PPIE: variants seen among roughly 807,000 people sequenced by gnomAD.
PPIE encodes the protein peptidylprolyl isomerase E.
Under a neutral mutation model 38.4 loss-of-function variants are expected in PPIE, and 20 were observed. The observed-to-expected ratio is 0.52, with a 90% confidence interval of 0.37 to 0.76. PPIE has a LOEUF of 0.76. PPIE is among the 30% of genes least tolerant of loss of function. The pLI is 0.00. For synonymous variants in PPIE, 142 were observed against 135.7 expected (o/e 1.05, Z -0.32); for missense variants, 322 against 385.8 (o/e 0.83, Z 1.39).
At chr1:39,750,706 AC>A (rs1647633275) in intron 8 of PPIE, among the ~76,000 whole-genome samples, 1 of 151,980 alleles carries the variant, frequency 6.6e-6, no homozygotes, top group Admixed American at 6.6e-5. Flanking sequence ...GTCTCCTTTT[AC>A]CTAGATGGCT....
intron 9 of PPIE, chr1:39,762,600 A>G (rs770658014): frequency 3.0e-5 from 47 of 1,550,158 alleles, no homozygotes; most frequent in African/African-American, 6.8e-5. Context: ...GGAAAAGCCA[A>G]AAGGTTGAGA....
Position 39,755,419 on chromosome 1 carries a change from G to C in PPIE, c.*2064G>C. 1.0e-6 allele frequency: 1 copy of C among 985,414 alleles called. No individual in the cohort carries two copies. The highest frequency in any genetic ancestry group is 1.2e-6 in the Non-Finnish European group (1 of 829,930). The allele number at this position is 985,414 out of a possible 1,614,324, so 61.0% of individuals were successfully genotyped here. The stretch of plus-strand genomic sequence containing the variant: ...AGCTGCTACAGTTGACTGAGTTCAG[G>C]CTCCATGTAGCTGGGATATACTACA... On this transcript the variant is annotated 3_prime_UTR_variant, in exon 10 of 10. Coordinates refer to ENST00000324379, the MANE Select transcript of PPIE (RefSeq NM_006112.4).
chr1:39,738,985 C>A lies in PPIE; in HGVS notation c.31+54C>A. 3 of 1,397,780 alleles carry A rather than the reference C, an allele frequency of 2.1e-6. No homozygotes were observed. The South Asian group carries it at 5.3e-5, about 25-fold the overall frequency. 86.6% of individuals were successfully genotyped at this position (1,397,780 alleles called of 1,614,324 possible). On this transcript the variant is annotated intron_variant, in intron 1 of 9. Coordinates refer to ENST00000324379, the MANE Select transcript of PPIE (RefSeq NM_006112.4). ...CTGAGTGAACGCGACCCCCAAGGGT[C>A]GGGGCGTGGGGTGGGACGCATCTCT...
At chr1:39,762,732 C>A in intron 9 of PPIE, 1 of 1,423,734 alleles carries the variant, frequency 7.0e-7, no homozygotes, top group Non-Finnish European at 9.3e-7. Context: ...CTCGGCGGCC[C>A]GTGTGCTAAG....
At chr1:39,763,386 C>CCCCTCCCCAGCCAGCCCTCCCCAGCCGG (rs1557472284) in intron 9 of PPIE, among the ~76,000 whole-genome samples, 7 of 137,458 alleles carry the variant, frequency 5.1e-5, no homozygotes, top group South Asian at 4.9e-4. Flanking sequence ...CACTTTGCGT[C>CCCCTCCCCAGCCAGCCCTCCCCAGCCGG]CCCTCCCCAG....
intron 3 of PPIE, 47 bp from the exon 4 acceptor site, chr1:39,741,848 G>C (rs1413444834): frequency 3.1e-6 from 5 of 1,611,796 alleles, no homozygotes; most frequent in Non-Finnish European, 4.2e-6. Flanking sequence ...ACCATAAGAA[G>C]CATTTGGCTG....
chr1:39,754,360 G>A lies in PPIE; in HGVS notation c.*1005G>A, dbSNP rs762619080. On this transcript the variant is annotated 3_prime_UTR_variant, in exon 10 of 10. Transcript: ENST00000324379. ...CTCAAGCAGTGGTAGGAGCTGGCAAGTCTGCAATCTGCACAACAGACCAGC... is the reference window on the plus strand; with the variant it reads ...CTCAAGCAGTGGTAGGAGCTGGCAAATCTGCAATCTGCACAACAGACCAGC... Among the ~76,000 whole-genome samples, 1 of 152,170 alleles carries A rather than the reference G, an allele frequency of 6.6e-6. No homozygotes were observed. Among genetic ancestry groups the A allele is most frequent in the East Asian group, 1.9e-4 (1 of 5,198 alleles).
chr1:39,754,347 T>A lies in PPIE; in HGVS notation c.*992T>A, dbSNP rs1304508535. 6.6e-6 allele frequency among the ~76,000 whole-genome samples: 1 copy of A among 152,136 alleles called. No homozygotes were observed. Among genetic ancestry groups the A allele is most frequent in the Non-Finnish European group, 1.5e-5 (1 of 68,026 alleles). ...TTTAAGGAACTGGCTCAAGCAGTGG[T>A]AGGAGCTGGCAAGTCTGCAATCTGC... On this transcript the variant is annotated 3_prime_UTR_variant, in exon 10 of 10. Transcript: ENST00000324379.
chr1:39,760,638 C>T (rs41267041), downstream of PPIE: 3 of 1,539,132 alleles, frequency 1.9e-6, no homozygotes, highest in Non-Finnish European at 2.6e-6. Flanking sequence ...CCCAGCCCCA[C>T]CCCAGCTCCA....
In PPIE at chr1:39,762,595, A is replaced by C. The variant is rs1206540275; in HGVS notation, c.838-1094A>C. 5 of 1,550,302 alleles carry C rather than the reference A, an allele frequency of 3.2e-6. No homozygotes were observed. The South Asian group carries it at 4.8e-5, about 15-fold the overall frequency. On this transcript the variant is annotated intron_variant, in intron 9 of 9. Coordinates refer to the PPIE transcript ENST00000356511. The stretch of plus-strand genomic sequence containing the variant: ...TGGCCAAGAGAGAAACTGGGGGAAA[A>C]GCCAAAAGGTTGAGAGCCACACCAT...
chr1:39,750,563 T>C (rs1443337908), intron 8 of PPIE, among the ~76,000 whole-genome samples: 2 of 152,354 alleles, frequency 1.3e-5, no homozygotes, highest in South Asian at 2.1e-4. Flanking sequence ...GAGTATCATA[T>C]CAGTGCTCGT....
chr1:39,748,876 C>A lies in PPIE; in HGVS notation c.509-27C>A, dbSNP rs375804175. 1.2e-4 allele frequency: 199 copies of A among 1,600,400 alleles called. No homozygotes were observed. In the African/African-American group the frequency reaches 2.5e-3, roughly 20 times the overall value. On this transcript the variant is annotated intron_variant, in intron 7 of 9. Transcript: ENST00000324379. The stretch of plus-strand genomic sequence containing the variant: ...TTTATTTTGTCCTATTTTTTAACCC[C>A]AGCGCTTTTTCCTTTCTCAATTCCA...
At chr1:39,759,130 C>G (rs555295890), downstream of PPIE, 7 of 152,316 alleles carry the variant, frequency 4.6e-5, no homozygotes, top group African/African-American at 1.7e-4. Flanking sequence ...CACTCCAACT[C>G]CCAGTGGCTG....
intron 9 of PPIE, 90 bp from the exon 10 acceptor site, chr1:39,753,197 G>A (rs980955923): frequency 1.3e-6 from 2 of 1,591,948 alleles, no homozygotes; most frequent in African/African-American, 1.3e-5. Flanking sequence ...GTTCCGGGGT[G>A]GAAGTGGGCA....
Position 39,753,533 on chromosome 1 carries a change from C to G in PPIE, c.*178C>G, listed in dbSNP as rs187239330. ...CTCTGCAGGCACAGCCTGGACTATT[C>G]CCAGGCACAGCTGTGGGCCCAGGAG... On this transcript the variant is annotated 3_prime_UTR_variant, in exon 10 of 10. Transcript: ENST00000324379. 3.5e-4 allele frequency: 492 copies of G among 1,413,180 alleles called. 2 individuals are homozygous for G. The African/African-American group carries it at 6.6e-3, about 19-fold the overall frequency. The allele number at this position is 1,413,180 out of a possible 1,614,324, so 87.5% of individuals were successfully genotyped here.
chr1:39,739,718 G>C (rs1215798995), intron 1 of PPIE, among the ~76,000 whole-genome samples: 9 of 152,164 alleles, frequency 5.9e-5, no homozygotes, highest in Admixed American at 5.9e-4. Flanking sequence ...CTGACACTTG[G>C]GGGCAAGTGG....
chr1:39,745,960 G>A (rs1226670731), intron 7 of PPIE: 1 of 154,430 alleles, frequency 6.5e-6, no homozygotes, highest in East Asian at 1.9e-4. Context: ...CACAAAGCTT[G>A]TTTTGAAAAA....
At chr1:39,757,123 G>T (rs142481964), downstream of PPIE, 15 of 152,350 alleles carry the variant, frequency 9.8e-5, no homozygotes, top group East Asian at 2.9e-3. Context: ...CCCTCTGAGG[G>T]ATGCCATGTG....
At chr1:39,744,593 C>T (rs543843636) in intron 6 of PPIE, among the ~76,000 whole-genome samples, 2 of 152,328 alleles carry the variant, frequency 1.3e-5, no homozygotes, top group Non-Finnish European at 2.9e-5. Context: ...TTCATGGTCT[C>T]TTTCTAGTCC....
Sources: allele counts gnomAD v4.1 joint callset (sites outside exome capture counted in the v4.1 genomes callset), GRCh38; gene constraint gnomAD v4.1.1; transcripts MANE v1.5; gene names NCBI Gene and HGNC (gene_info 2026-07-23, HGNC 2026-07-21).